The following TEX14 variants were observed in gnomAD, a reference collection of about 807,000 sequenced individuals.
The protein encoded by TEX14 is testis expressed 14, intercellular bridge forming factor.
Under a neutral mutation model 178.6 loss-of-function variants are expected in TEX14, and 168 were observed. The observed-to-expected ratio is 0.94, with a 90% CI of 0.83 to 1.07. The LOEUF (loss-of-function observed/expected upper bound fraction) is 1.07, where lower values mean the gene tolerates loss of function less well. Ranked by LOEUF, TEX14 falls within the 50% of genes least tolerant of loss-of-function variation. The pLI is 0.00. For missense variants in TEX14, 1,730 were observed against 1,753.6 expected (o/e 0.99, Z 0.24); for synonymous variants, 626 against 634.1 (o/e 0.99, Z 0.19).
intron 30 of TEX14, among the ~76,000 whole-genome samples, chr17:58,558,134 C>T (rs1443948643): frequency 1.3e-5 from 2 of 152,198 alleles, no homozygotes; most frequent in East Asian, 3.9e-4. Context: ...TAAATGCCTA[C>T]ACGTTCTGGG....
chr17:58,690,836 G>A (rs993646609), intron 1 of TEX14, among the ~76,000 whole-genome samples: 4 of 152,100 alleles, frequency 2.6e-5, no homozygotes, highest in Non-Finnish European at 5.9e-5. Flanking sequence ...AGGATGCTAG[G>A]TTTGAATCTT....
chr17:58,658,096 T>C (rs2047007181), intron 1 of TEX14, among the ~76,000 whole-genome samples: 1 of 152,220 alleles, frequency 6.6e-6, no homozygotes, highest in Admixed American at 6.5e-5. Context: ...TTAGCACTCC[T>C]GGCTCACTGG....
intron 26 of TEX14, among the ~76,000 whole-genome samples, chr17:58,568,570 C>T (rs1489243126): frequency 6.6e-6 from 1 of 152,128 alleles, no homozygotes; most frequent in Non-Finnish European, 1.5e-5. Flanking sequence ...CAAGTCTTTC[C>T]TAGGAAAACA....
chr17:58,660,690 C>A, intron 1 of TEX14: 1 of 782,202 alleles, frequency 1.3e-6, no homozygotes, highest in Non-Finnish European at 2.4e-6. Flanking sequence ...TTTTCTTGAT[C>A]TTCCTGTTGC....
chr17:58,615,148 A>G (rs2045842228), intron 8 of TEX14, 84 bp downstream of exon 8: 3 of 733,224 alleles, frequency 4.1e-6, no homozygotes, highest in South Asian at 3.4e-5. Context: ...GGAGCTCCCT[A>G]TCCCAGGCAC....
chr17:58,617,670 CA>C, intron 5 of TEX14, 51 bp from the exon 6 acceptor site: 1 of 1,342,792 alleles, frequency 7.4e-7, no homozygotes, highest in Non-Finnish European at 1.1e-6. Flanking sequence ...CACTCATATC[CA>C]GAATAATAAT....
At chr17:58,585,397 A>C (rs1055943856) in intron 18 of TEX14, among the ~76,000 whole-genome samples, 12 of 152,088 alleles carry the variant, frequency 7.9e-5, no homozygotes, top group Non-Finnish European at 1.6e-4. Flanking sequence ...CAAACCAAAA[A>C]AAATATGCTG....
chr17:58,573,287 G>T lies in TEX14; in HGVS notation c.3405C>A (p.Asp1135Glu). 6.2e-7 allele frequency: 1 copy of T among 1,613,558 alleles called. No individual in the cohort carries two copies. The highest frequency in any genetic ancestry group is 8.5e-7 in the Non-Finnish European group (1 of 1,179,506). ...CTGGTTCATAGGAGATACTAGACAG[G>T]TCTTGAATATCCGTCAATGATCTAA... ...EKDISLTDIQ[D>E]LSSISYEPDS... is the part of the protein sequence containing the mutation. Residue 1135 changes from aspartate to glutamate, a missense_variant, in exon 23 of 32, where the codon GAC becomes GAA. Coordinates refer to ENST00000349033, the MANE Select transcript of TEX14 (RefSeq NM_031272.5).
rs982867233 is a variant in TEX14, at chr17:58,561,945, C to T, written c.4065-333G>A. ...TACTACAAATACAAAAATCAGCCGG[C>T]GTGGTCGCGTGCGCCTGTAATCCCA... On this transcript the variant is annotated intron_variant, in intron 28 of 31. Coordinates refer to ENST00000349033, the MANE Select transcript of TEX14 (RefSeq NM_031272.5). Among the ~76,000 whole-genome samples, 5 of 152,124 alleles carry T rather than the reference C, an allele frequency of 3.3e-5. No individual in the cohort carries two copies. The East Asian group carries it at 5.8e-4, about 18-fold the overall frequency.
Position 58,572,144 on chromosome 17 carries a change from A to C in TEX14, c.3512-18T>G. 6.3e-7 allele frequency: 1 copy of C among 1,578,676 alleles called. No homozygotes were observed. Among genetic ancestry groups the C allele is most frequent in the South Asian group, 1.1e-5 (1 of 90,096 alleles). On this transcript the variant is annotated intron_variant, in intron 23 of 31. Transcript: ENST00000349033. ...AACGGACCCTGTTGGAGAAAAGCGG[A>C]AGGTTACTGTCTGAATCCTTTATAT...
chr17:58,667,915 C>A (rs1012070829), intron 1 of TEX14, among the ~76,000 whole-genome samples: 11 of 148,830 alleles, frequency 7.4e-5, no homozygotes, highest in East Asian at 2.0e-4. Context: ...AAAAAAGATT[C>A]TTTTCTTGTT....
chr17:58,577,163 AG>A (rs1349827736), intron 21 of TEX14, among the ~76,000 whole-genome samples: 1 of 152,218 alleles, frequency 6.6e-6, no homozygotes, highest in African/African-American at 2.4e-5. Context: ...TCACATGAAC[AG>A]AAAGTCAGAG....
rs751881007 is a variant in TEX14, at chr17:58,622,941, A to G, written c.323T>C (p.Leu108Pro). 6.2e-7 allele frequency: 1 copy of G among 1,612,984 alleles called. No individual in the cohort carries two copies. ...FSGNQWILSK[L>P]LDAGGDLRLH... is the part of the protein sequence containing the mutation. ...TCGCAGGTCACCTCCTGCATCCAGC[A>G]GTTTGCTAAGGATCCACTGATTGCC... is the stretch of plus-strand genomic sequence containing the variant. Residue 108 changes from leucine (L) to proline (P), a missense_variant, in exon 4 of 32, where the codon CTG becomes CCG. Leu to Pro is a moderately conservative substitution (Grantham distance 98). Around this residue, in one of 2 missense-constraint regions of TEX14, gnomAD observed 789 missense variants for 681.2 expected, o/e 1.16. Coordinates refer to ENST00000349033, the MANE Select transcript of TEX14 (RefSeq NM_031272.5).
In TEX14 at chr17:58,561,642, A is replaced by C. The variant is rs766792625; in HGVS notation, c.4065-30T>G. ...TTAAGGACAAGTGAAGAGAATGGAGACAACAGTCATTTCCCATCCCCCTTG... is the reference window on the plus strand; with the variant it reads ...TTAAGGACAAGTGAAGAGAATGGAGCCAACAGTCATTTCCCATCCCCCTTG... On this transcript the variant is annotated intron_variant, in intron 28 of 31. Coordinates refer to ENST00000349033, the MANE Select transcript of TEX14 (RefSeq NM_031272.5). The C allele has an allele frequency of 6.2e-6, 9 of 1,459,714 alleles. No homozygotes were observed. In the African/African-American group the frequency reaches 1.1e-4, roughly 18 times the overall value. The allele number at this position is 1,459,714 out of a possible 1,614,324, so 90.4% of individuals were successfully genotyped here.
At chr17:58,676,606 C>G (rs1471112795) in intron 1 of TEX14, among the ~76,000 whole-genome samples, 1 of 152,082 alleles carries the variant, frequency 6.6e-6, no homozygotes, top group Non-Finnish European at 1.5e-5. Flanking sequence ...ACTACTATGT[C>G]AGAACCTAAA....
At chr17:58,624,468 GT>G (rs1225468819) in intron 3 of TEX14, among the ~76,000 whole-genome samples, 1 of 150,864 alleles carries the variant, frequency 6.6e-6, no homozygotes, top group African/African-American at 2.4e-5. Flanking sequence ...AGCCTCCTGA[GT>G]AGCTGGGATT....
chr17:58,679,695 C>T (rs1403963595), intron 1 of TEX14: 1 of 152,128 alleles, frequency 6.6e-6, no homozygotes, highest in Admixed American at 6.6e-5. Context: ...AAGTATGAGT[C>T]CCCAGCGCTG....
intron 5 of TEX14, among the ~76,000 whole-genome samples, chr17:58,621,362 C>A (rs757058712): frequency 2.0e-5 from 3 of 152,238 alleles, no homozygotes; most frequent in Non-Finnish European, 4.4e-5. Flanking sequence ...TTCTGCTGGG[C>A]TCCTCAGACC....
chr17:58,640,612 A>AGTGT (rs33931543), intron 2 of TEX14, among the ~76,000 whole-genome samples: 4,087 of 143,872 alleles, frequency 0.028, 133 homozygotes, highest in African/African-American at 0.082. Context: ...CTTACCTTCT[A>AGTGT]GTGTGTGTGT....
Sources: allele counts gnomAD v4.1 joint callset (sites outside exome capture counted in the v4.1 genomes callset), GRCh38; gene constraint gnomAD v4.1.1; regional missense constraint gnomAD v4.1.1; transcripts MANE v1.5; gene names NCBI Gene and HGNC (gene_info 2026-07-23, HGNC 2026-07-21).